The following ADCY2 variants were observed in gnomAD, a reference collection of about 807,000 sequenced individuals.
ADCY2 encodes the protein adenylate cyclase 2, also known as adenylate cyclase type 2.
Under a neutral mutation model 125.2 loss-of-function variants are expected in ADCY2, and 31 were observed. The observed-to-expected ratio is 0.25, with a 90% CI of 0.19 to 0.33. ADCY2 has a LOEUF of 0.33. ADCY2 is among the 10% of genes least tolerant of loss of function. The probability of loss-of-function intolerance (pLI) is 1.00; values close to 1 mark genes in which losing one functional copy is unlikely to be tolerated. For missense variants in ADCY2, 904 were observed against 1,418.2 expected, an observed-to-expected ratio of 0.64 and a Z score of 5.82; for synonymous variants, 512 against 548.4, an observed-to-expected ratio of 0.93 and a Z score of 0.93.
intron 4 of ADCY2, among the ~76,000 whole-genome samples, chr5:7,636,737 C>G (rs935139730): frequency 2.6e-5 from 4 of 152,108 alleles, no homozygotes; most frequent in Non-Finnish European, 5.9e-5. Context: ...GGGATAGTGG[C>G]CAACATAGTC....
chr5:7,495,749 A>G (rs781310569), intron 2 of ADCY2, among the ~76,000 whole-genome samples: 63 of 152,200 alleles, frequency 4.1e-4, no homozygotes, highest in Non-Finnish European at 7.6e-4. Flanking sequence ...GCTAAATCTG[A>G]ACATTTTGAC....
At chr5:7,615,629 C>T (rs1032124829) in intron 3 of ADCY2, among the ~76,000 whole-genome samples, 10 of 152,034 alleles carry the variant, frequency 6.6e-5, no homozygotes, top group South Asian at 2.1e-4. Context: ...TCTTTGGTGA[C>T]GTGGTTTCCA....
At chr5:7,606,534 A>G (rs1737380985) in intron 3 of ADCY2, among the ~76,000 whole-genome samples, 1 of 152,224 alleles carries the variant, frequency 6.6e-6, no homozygotes, top group Admixed American at 6.5e-5. Context: ...TTGGTCCATG[A>G]TCATTTAAAT....
At chr5:7,537,651 T>C (rs1042552572) in intron 3 of ADCY2, among the ~76,000 whole-genome samples, 7 of 152,238 alleles carry the variant, frequency 4.6e-5, no homozygotes, top group African/African-American at 1.7e-4. Context: ...GCCTCATCCT[T>C]TGCTTTCCAG....
chr5:7,400,609 G>A (rs966874688), intron 1 of ADCY2, among the ~76,000 whole-genome samples: 4 of 152,182 alleles, frequency 2.6e-5, no homozygotes, highest in Non-Finnish European at 5.9e-5. Flanking sequence ...AGGATGGGAG[G>A]GCAGACAAAT....
At position 7,396,199 on chromosome 5, in the gene ADCY2, G is replaced by A. The variant is rs1739017355; in HGVS notation, c.-98G>A. On this transcript the variant is annotated 5_prime_UTR_variant, in exon 1 of 25. Transcript: ENST00000338316. This position sits in a 1 kb window ranked among gnomAD's most constrained non-coding sequence, Gnocchi z 5.7. ...GCGCAGCTCCGGGTGCCGGCAGCCG[G>A]GCCGGCCGAGGCGGCGCGGGGGTGG... The A allele has an allele frequency of 3.1e-6, 2 of 654,784 alleles. No homozygotes were observed. Among genetic ancestry groups the A allele is most frequent in the Non-Finnish European group, 1.9e-6 (1 of 532,046 alleles). The allele number at this position is 654,784 out of a possible 1,614,324, so 40.6% of individuals were successfully genotyped here. A position where few individuals can be genotyped will look rare whatever the true frequency, so the allele number is the denominator to read the frequency against.
chr5:7,479,786 C>A lies in ADCY2; in HGVS notation c.409-40952C>A, dbSNP rs945243040. Among the ~76,000 whole-genome samples, 3 of 152,258 alleles carry A rather than the reference C, an allele frequency of 2.0e-5. No individual in the cohort carries two copies. The East Asian group carries it at 5.8e-4, about 29-fold the overall frequency. ...CCTCTGGTGGTCATCCTTTTACTCT[C>A]TAGCTTCATGAGTTCAATTGTTTTA... On this transcript the variant is annotated intron_variant, in intron 2 of 24. Transcript: ENST00000338316.
chr5:7,772,650 A>G (rs1407379657), intron 17 of ADCY2, among the ~76,000 whole-genome samples: 2 of 152,256 alleles, frequency 1.3e-5, no homozygotes, highest in Middle Eastern at 6.8e-3. Context: ...TGTCTTCCAT[A>G]TAAGTTTTTT....
chr5:7,672,554 CAGTGGTGCCATCATGGCTT>C (rs1739972356), intron 4 of ADCY2, among the ~76,000 whole-genome samples: 1 of 152,110 alleles, frequency 6.6e-6, no homozygotes, highest in South Asian at 2.1e-4. Context: ...GGCTAGAGGG[CAGTGGTGCCATCATGGCTT>C]ACTACAGCCT....
chr5:7,675,890 T>A (rs1337620264), intron 4 of ADCY2, among the ~76,000 whole-genome samples: 1 of 152,218 alleles, frequency 6.6e-6, no homozygotes, highest in African/African-American at 2.4e-5. Context: ...GTTGGTATTA[T>A]GTTGATGATA....
intron 3 of ADCY2, among the ~76,000 whole-genome samples, chr5:7,607,051 C>A (rs1561122135): frequency 6.6e-6 from 1 of 152,162 alleles, no homozygotes; most frequent in Non-Finnish European, 1.5e-5. Context: ...CCCTTTGATC[C>A]TGTTCTGCCT....
intron 19 of ADCY2, among the ~76,000 whole-genome samples, chr5:7,787,310 G>A (rs891240351): frequency 1.3e-5 from 2 of 152,190 alleles, no homozygotes; most frequent in African/African-American, 4.8e-5. Flanking sequence ...CTCCCGCCAT[G>A]TCTCTGAGTC....
At chr5:7,589,516 A>AG (rs1736774277) in intron 3 of ADCY2, among the ~76,000 whole-genome samples, 74 of 103,286 alleles carry the variant, frequency 7.2e-4, no homozygotes, top group African/African-American at 2.3e-3. Context: ...GAAAGAAAAG[A>AG]AAAGAAAGAG....
intron 2 of ADCY2, among the ~76,000 whole-genome samples, chr5:7,423,832 A>C (rs61423431): frequency 0.071 from 10,840 of 152,082 alleles, 493 homozygotes; most frequent in African/African-American, 0.13. Flanking sequence ...TTTTCTCTGT[A>C]CTGCTTTTCT....
intron 4 of ADCY2, among the ~76,000 whole-genome samples, chr5:7,672,564 A>T (rs1356377838): frequency 6.6e-6 from 1 of 152,080 alleles, no homozygotes; most frequent in Non-Finnish European, 1.5e-5. Flanking sequence ...CAGTGGTGCC[A>T]TCATGGCTTA....
At chr5:7,482,782 A>ATATATATG (rs1742783542) in intron 2 of ADCY2, among the ~76,000 whole-genome samples, 2 of 143,216 alleles carry the variant, frequency 1.4e-5, no homozygotes, top group East Asian at 4.1e-4. Flanking sequence ...ATATATATAT[A>ATATATATG]TATATATATA....
chr5:7,414,997 A>G (rs112260510), intron 2 of ADCY2, among the ~76,000 whole-genome samples: 3 of 108,868 alleles, frequency 2.8e-5, no homozygotes, highest in Non-Finnish European at 6.0e-5. Context: ...ATGTGTATTT[A>G]TATCTGTATG....
rs58055964 is a variant in ADCY2, at chr5:7,729,598, AT to A, written c.1871+2346del. Among the ~76,000 whole-genome samples the A allele has an allele frequency of 8.2e-4, 120 of 145,760 alleles. 1 individual carries two copies. The highest frequency in any genetic ancestry group is 1.7e-3 in the African/African-American group (68 of 39,846). ...TCTAATGGATTGATCAAGTTCTTTC[AT>A]TTTTTTTTATGGTAAATTAAAAGCA... is the stretch of plus-strand genomic sequence containing the variant. On this transcript the variant is annotated intron_variant, in intron 14 of 24. Coordinates refer to ENST00000338316, the MANE Select transcript of ADCY2 (RefSeq NM_020546.3).
intron 4 of ADCY2, among the ~76,000 whole-genome samples, chr5:7,649,579 G>C (rs1739012415): frequency 6.6e-6 from 1 of 152,150 alleles, no homozygotes; most frequent in South Asian, 2.1e-4. Context: ...TGCCTTGCTT[G>C]CCTGACCCCT....
Sources: gnomAD v4.1 joint callset for allele counts (sites outside exome capture counted in the v4.1 genomes callset) on GRCh38, gnomAD v4.1.1 for gene constraint, Gnocchi (gnomAD v3.1) non-coding constraint, MANE v1.5 for transcripts, NCBI Gene and HGNC (gene_info 2026-07-23, HGNC 2026-07-21) for gene names.